Variants in OXR1 observed in about 807,000 individuals in gnomAD.
OXR1 encodes the protein oxidation resistance protein 1.
In OXR1, 41 loss-of-function variants were observed where a neutral mutation model predicts 104.6. The ratio of observed to expected loss-of-function variants is 0.39; its 90% CI spans 0.31 to 0.51. The LOEUF (loss-of-function observed/expected upper bound fraction) is 0.51, where lower values mean the gene tolerates loss of function less well. OXR1 is among the 20% of genes least tolerant of loss of function. The pLI is 0.77. For missense variants in OXR1, 955 were observed against 1,031.9 expected, an observed-to-expected ratio of 0.93 and a Z score of 1.02; for synonymous variants, 348 against 348.4, an observed-to-expected ratio of 1.00 and a Z score of 0.01.
chr8:106,316,066 A>G (rs1813921896), intron 1 of OXR1, among the ~76,000 whole-genome samples: 1 of 152,218 alleles, frequency 6.6e-6, no homozygotes, highest in Non-Finnish European at 1.5e-5. Flanking sequence ...TTGTCAAATA[A>G]AAAACTGTAG....
intron 9 of OXR1, 37 bp downstream of exon 9, chr8:106,707,182 A>G (rs768068397): frequency 9.5e-6 from 15 of 1,585,458 alleles, no homozygotes; most frequent in South Asian, 5.5e-5. Context: ...AGTTCATCCA[A>G]TTGTATGGTG....
At chr8:106,319,340 A>G (rs1233566727) in intron 1 of OXR1, among the ~76,000 whole-genome samples, 1 of 152,182 alleles carries the variant, frequency 6.6e-6, no homozygotes, top group Non-Finnish European at 1.5e-5. Context: ...TCCTTTGACT[A>G]AAGAGAATCA....
chr8:106,584,163 G>A (rs1447295945), intron 3 of OXR1, among the ~76,000 whole-genome samples: 1 of 151,950 alleles, frequency 6.6e-6, no homozygotes, highest in African/African-American at 2.4e-5. Context: ...TTGCATAAAT[G>A]AAAAACCCAG....
At chr8:106,659,959 CCAAATCT>C (rs1476048103) in intron 3 of OXR1, among the ~76,000 whole-genome samples, 1 of 152,162 alleles carries the variant, frequency 6.6e-6, no homozygotes, top group East Asian at 1.9e-4. Context: ...CATGGTGCCC[CCAAATCT>C]CTGACACATT....
intron 3 of OXR1, among the ~76,000 whole-genome samples, chr8:106,667,091 T>G (rs1291658540): frequency 6.6e-6 from 1 of 152,206 alleles, no homozygotes; most frequent in Non-Finnish European, 1.5e-5. Context: ...TGCAGAAAGT[T>G]TTATTGGGCA....
chr8:106,305,170 T>G (rs1276182793), intron 1 of OXR1, among the ~76,000 whole-genome samples: 4 of 152,308 alleles, frequency 2.6e-5, no homozygotes, highest in East Asian at 3.9e-4. Context: ...CTACTTTCTT[T>G]GCCCATGCAC....
chr8:106,658,854 G>T (rs912509799), intron 3 of OXR1, among the ~76,000 whole-genome samples: 5 of 152,134 alleles, frequency 3.3e-5, no homozygotes, highest in Admixed American at 3.3e-4. Flanking sequence ...GTCATTTGTA[G>T]CGACATGATA....
At chr8:106,635,749 C>T (rs746082775) in intron 3 of OXR1, among the ~76,000 whole-genome samples, 5 of 151,884 alleles carry the variant, frequency 3.3e-5, no homozygotes, top group Non-Finnish European at 5.9e-5. Context: ...CACCCGGCCT[C>T]GAATTTTAGA....
chr8:106,500,583 G>A (rs1203585973), intron 2 of OXR1, among the ~76,000 whole-genome samples: 1 of 151,692 alleles, frequency 6.6e-6, no homozygotes, highest in Non-Finnish European at 1.5e-5. Context: ...GTAGCTTGAC[G>A]ATGCTCCCAG....
chr8:106,354,094 C>T (rs1360920981), intron 1 of OXR1, among the ~76,000 whole-genome samples: 1 of 148,980 alleles, frequency 6.7e-6, no homozygotes, highest in Non-Finnish European at 1.5e-5. Flanking sequence ...TCCATTCAGG[C>T]CCTTTGCCCA....
intron 2 of OXR1, among the ~76,000 whole-genome samples, chr8:106,407,734 A>G (rs1422619599): frequency 6.6e-6 from 1 of 152,154 alleles, no homozygotes; most frequent in Admixed American, 6.6e-5. Context: ...CAATTTGGAT[A>G]ATTCATTGAC....
At chr8:106,423,110 G>T (rs539526929) in intron 2 of OXR1, among the ~76,000 whole-genome samples, 37 of 152,146 alleles carry the variant, frequency 2.4e-4, no homozygotes, top group African/African-American at 8.0e-4. Context: ...ATTGTGATTT[G>T]CTCCCATAAT....
intron 10 of OXR1, among the ~76,000 whole-genome samples, chr8:106,711,636 T>G (rs577545713): frequency 9.2e-5 from 14 of 152,252 alleles, no homozygotes; most frequent in African/African-American, 3.4e-4. Flanking sequence ...AGCCAACAAC[T>G]TAGTCTGCCT....
At chr8:106,485,700 G>A (rs1810604147) in intron 2 of OXR1, among the ~76,000 whole-genome samples, 1 of 152,022 alleles carries the variant, frequency 6.6e-6, no homozygotes, top group Non-Finnish European at 1.5e-5. Context: ...ATTTACAATA[G>A]CTAAGATATG....
intron 3 of OXR1, among the ~76,000 whole-genome samples, chr8:106,599,088 G>T (rs575788814): frequency 6.6e-6 from 1 of 152,170 alleles, no homozygotes; most frequent in East Asian, 1.9e-4. Context: ...GCTTCATTTA[G>T]TAGGCCTCAT....
chr8:106,439,678 A>T (rs1000048279), intron 2 of OXR1, among the ~76,000 whole-genome samples: 1 of 152,044 alleles, frequency 6.6e-6, no homozygotes, highest in East Asian at 1.9e-4. Flanking sequence ...ACATACAAAC[A>T]TTGTGGATTT....
At chr8:106,709,527 A>T (rs1029760301) in intron 9 of OXR1, among the ~76,000 whole-genome samples, 2 of 152,024 alleles carry the variant, frequency 1.3e-5, no homozygotes, top group African/African-American at 4.8e-5. Context: ...CTTATATTAT[A>T]AAACCTTTGA....
intron 6 of OXR1, among the ~76,000 whole-genome samples, chr8:106,690,828 A>G (rs1236150203): frequency 1.3e-5 from 2 of 151,958 alleles, no homozygotes; most frequent in East Asian, 1.9e-4. Flanking sequence ...TAAAGGATAT[A>G]TAGTATATAC....
chr8:106,629,159 G>T (rs373025439), intron 3 of OXR1, among the ~76,000 whole-genome samples: 20 of 152,200 alleles, frequency 1.3e-4, no homozygotes, highest in African/African-American at 4.1e-4. Context: ...GGAGAGAAAA[G>T]GTGTGCTTAG....
Sources: allele counts gnomAD v4.1 joint callset (sites outside exome capture counted in the v4.1 genomes callset), GRCh38; gene constraint gnomAD v4.1.1; transcripts MANE v1.5; gene names NCBI Gene and HGNC (gene_info 2026-07-23, HGNC 2026-07-21).